The following ST6GAL1 variants were observed in gnomAD, a reference collection of about 807,000 sequenced individuals.
ST6GAL1 encodes ST6 beta-galactoside alpha-2,6-sialyltransferase 1, also known as beta-galactoside alpha-2,6-sialyltransferase 1.
Under a neutral mutation model 38.0 loss-of-function variants are expected in ST6GAL1, and 20 were observed. That is an observed-to-expected ratio of 0.53 (90% confidence interval 0.37 to 0.77). ST6GAL1 has a LOEUF of 0.77. Ranked by LOEUF, ST6GAL1 falls within the 30% of genes least tolerant of loss-of-function variation. The pLI is 0.00. For missense variants in ST6GAL1, 432 were observed against 496.4 expected, an observed-to-expected ratio of 0.87 and a Z score of 1.23; for synonymous variants, 196 against 188.2, an observed-to-expected ratio of 1.04 and a Z score of -0.34.
At position 186,987,091 on chromosome 3, in the gene ST6GAL1, C is replaced by G. The variant is rs1348313841; in HGVS notation, c.-183+23165C>G. ...ACAATCAACTTCTATTTTACTCTTA[C>G]CATTTCTGAGAGAAGTCAGGCAGAC... On this transcript the variant is annotated intron_variant, in intron 2 of 7. Coordinates refer to ENST00000169298, the MANE Select transcript of ST6GAL1 (RefSeq NM_173216.2). Among the ~76,000 whole-genome samples the G allele has an allele frequency of 4.8e-5, 7 of 145,928 alleles. No individual in the cohort carries two copies. In the Admixed American group the frequency reaches 5.1e-4, roughly 11 times the overall value.
At chr3:186,998,588 G>A (rs1716498432) in intron 2 of ST6GAL1, among the ~76,000 whole-genome samples, 2 of 152,122 alleles carry the variant, frequency 1.3e-5, no homozygotes, top group Non-Finnish European at 2.9e-5. Flanking sequence ...AGGCAGGAGA[G>A]ACAGGCACAC....
intron 2 of ST6GAL1, among the ~76,000 whole-genome samples, chr3:187,027,348 G>T (rs1266431693): frequency 4.6e-5 from 7 of 152,180 alleles, no homozygotes; most frequent in Non-Finnish European, 1.0e-4. Flanking sequence ...ACTTGCCTGA[G>T]AATTAATTAC....
At chr3:186,982,343 C>T (rs901993731) in intron 2 of ST6GAL1, among the ~76,000 whole-genome samples, 14 of 152,190 alleles carry the variant, frequency 9.2e-5, no homozygotes, top group African/African-American at 3.4e-4. Flanking sequence ...TAAGCATGAC[C>T]TTAGTCAAGT....
chr3:187,028,781 A>T (rs1443859869), intron 2 of ST6GAL1, among the ~76,000 whole-genome samples: 1 of 152,208 alleles, frequency 6.6e-6, no homozygotes, highest in East Asian at 1.9e-4. Context: ...CAGTTGTCCC[A>T]TAGGAAGTCC....
intron 5 of ST6GAL1, among the ~76,000 whole-genome samples, chr3:187,061,640 T>A (rs1718918539): frequency 6.6e-6 from 1 of 152,122 alleles, no homozygotes; most frequent in Non-Finnish European, 1.5e-5. Context: ...TTTTAAGAAA[T>A]GATACTGGGA....
intron 2 of ST6GAL1, among the ~76,000 whole-genome samples, chr3:187,015,437 C>A (rs1717084131): frequency 6.6e-6 from 1 of 152,068 alleles, no homozygotes; most frequent in African/African-American, 2.4e-5. Flanking sequence ...GGGCTTGGGA[C>A]CTTGCACATT....
intron 4 of ST6GAL1, among the ~76,000 whole-genome samples, chr3:187,045,192 G>A (rs1560174521): frequency 6.6e-6 from 1 of 152,030 alleles, no homozygotes; most frequent in Non-Finnish European, 1.5e-5. Flanking sequence ...TGCTGACAAG[G>A]TTTTTGTGCA....
chr3:186,960,416 C>T (rs1579272689), intron 1 of ST6GAL1, among the ~76,000 whole-genome samples: 1 of 152,200 alleles, frequency 6.6e-6, no homozygotes, highest in Non-Finnish European at 1.5e-5. Flanking sequence ...TCTTGGCTGG[C>T]TGGGCCTCGA....
At chr3:186,995,529 A>AAT (rs1716371571) in intron 2 of ST6GAL1, among the ~76,000 whole-genome samples, 1 of 120,800 alleles carries the variant, frequency 8.3e-6, no homozygotes, top group Non-Finnish European at 1.8e-5. Context: ...TAATAAAATA[A>AAT]AAAAAAAATA....
intron 1 of ST6GAL1, among the ~76,000 whole-genome samples, chr3:186,955,639 A>G (rs1445447675): frequency 3.9e-5 from 6 of 151,930 alleles, no homozygotes; most frequent in African/African-American, 1.2e-4. Context: ...AGTAGTTGGG[A>G]CTACAGGTGC....
At chr3:186,974,402 G>A (rs1005150943) in intron 2 of ST6GAL1, among the ~76,000 whole-genome samples, 2 of 152,062 alleles carry the variant, frequency 1.3e-5, no homozygotes, top group Non-Finnish European at 2.9e-5. Context: ...TTATCACTCA[G>A]CCGAACAGTG....
intron 5 of ST6GAL1, among the ~76,000 whole-genome samples, chr3:187,061,410 CG>C (rs1382287450): frequency 1.3e-5 from 2 of 152,026 alleles, no homozygotes; most frequent in African/African-American, 2.4e-5. Flanking sequence ...CAAGGGACCC[CG>C]ATTAACCAAA....
intron 1 of ST6GAL1, among the ~76,000 whole-genome samples, chr3:186,943,791 A>C (rs574687774): frequency 6.6e-6 from 1 of 152,190 alleles, no homozygotes; most frequent in African/African-American, 2.4e-5. Context: ...GTTGAAGGAG[A>C]TTCAGTGACT....
At chr3:187,005,186 GA>G (rs1435297414) in intron 2 of ST6GAL1, among the ~76,000 whole-genome samples, 2 of 151,894 alleles carry the variant, frequency 1.3e-5, no homozygotes, top group Admixed American at 1.3e-4. Context: ...CACAAAACAG[GA>G]CTGACCATGA....
chr3:186,995,548 G>T (rs1480885615), intron 2 of ST6GAL1, among the ~76,000 whole-genome samples: 1 of 148,232 alleles, frequency 6.7e-6, no homozygotes, highest in East Asian at 2.0e-4. Flanking sequence ...TAAAGAAATT[G>T]TTAAAATGCA....
At chr3:186,969,155 G>C (rs563240628) in intron 2 of ST6GAL1, among the ~76,000 whole-genome samples, 1 of 148,320 alleles carries the variant, frequency 6.7e-6, no homozygotes, top group Admixed American at 6.8e-5. Flanking sequence ...GGGTTCAAGC[G>C]ATTCTCCTGC....
intron 2 of ST6GAL1, among the ~76,000 whole-genome samples, chr3:187,002,043 C>CTTTTTTTTTTTTTTTTTTT (rs1560158350): frequency 1.3e-5 from 2 of 151,720 alleles, no homozygotes; most frequent in African/African-American, 4.8e-5. Flanking sequence ...GCTTTGTTGC[C>CTTTTTTTTTTTTTTTTTTT]TTATATTGGT....
At chr3:187,013,284 C>T (rs1052327109) in intron 2 of ST6GAL1, among the ~76,000 whole-genome samples, 2 of 152,186 alleles carry the variant, frequency 1.3e-5, no homozygotes, top group African/African-American at 2.4e-5. Context: ...AGCCTTCTCC[C>T]ATCTATTACT....
At chr3:186,954,993 G>A (rs2108522793) in intron 1 of ST6GAL1, among the ~76,000 whole-genome samples, 1 of 152,306 alleles carries the variant, frequency 6.6e-6, no homozygotes, top group South Asian at 2.1e-4. Context: ...AATCCATCTT[G>A]AGTTAATTTT....
Sources: gnomAD v4.1 joint callset for allele counts (sites outside exome capture counted in the v4.1 genomes callset) on GRCh38, gnomAD v4.1.1 for gene constraint, MANE v1.5 for transcripts, NCBI Gene and HGNC (gene_info 2026-07-23, HGNC 2026-07-21) for gene names.